DSCAM: variants seen among roughly 807,000 people sequenced by gnomAD.
DSCAM encodes cell adhesion molecule DSCAM.
In DSCAM, 47 loss-of-function variants were observed where a neutral mutation model predicts 217.7. That is an observed-to-expected ratio of 0.22 (90% confidence interval 0.17 to 0.28). The LOEUF (loss-of-function observed/expected upper bound fraction) is 0.28. Ranked by LOEUF, DSCAM falls within the 10% of genes least tolerant of loss-of-function variation. The pLI is 1.00. For synonymous variants in DSCAM, 1,056 were observed against 1,015.3 expected (o/e 1.04, Z -0.76); for missense variants, 2,080 against 2,618.3 (o/e 0.79, Z 4.49).
At chr21:40,688,169 T>C (rs2090502383) in intron 3 of DSCAM, among the ~76,000 whole-genome samples, 1 of 152,234 alleles carries the variant, frequency 6.6e-6, no homozygotes, top group African/African-American at 2.4e-5. Flanking sequence ...GCAGTTTCTC[T>C]GGGAATAGTA....
chr21:40,714,344 C>A (rs1408379585), intron 1 of DSCAM, among the ~76,000 whole-genome samples: 1 of 152,166 alleles, frequency 6.6e-6, no homozygotes. Context: ...ACATAAGACT[C>A]CAACCCATGA....
chr21:40,444,272 T>A (rs569317707), intron 3 of DSCAM, among the ~76,000 whole-genome samples: 3 of 152,126 alleles, frequency 2.0e-5, no homozygotes, highest in South Asian at 4.2e-4. Flanking sequence ...GACTTTGGAG[T>A]CCGACATGTA....
At chr21:40,794,362 A>G (rs1281236225) in intron 1 of DSCAM, among the ~76,000 whole-genome samples, 1 of 152,164 alleles carries the variant, frequency 6.6e-6, no homozygotes, top group African/African-American at 2.4e-5. Context: ...CTTTTCTATC[A>G]TTTGGCAACA....
chr21:40,713,542 T>G (rs747712971), intron 1 of DSCAM, among the ~76,000 whole-genome samples: 1 of 152,136 alleles, frequency 6.6e-6, no homozygotes, highest in South Asian at 2.1e-4. Context: ...ATTCTTTAAC[T>G]AAGGTTAGGA....
intron 29 of DSCAM, among the ~76,000 whole-genome samples, 189 bp from the exon 30 acceptor site, chr21:40,052,296 A>G (rs1309246875): frequency 6.6e-6 from 1 of 152,232 alleles, no homozygotes; most frequent in Non-Finnish European, 1.5e-5. Flanking sequence ...CTAGGAATAG[A>G]AGCTTCTTCC....
chr21:40,728,365 A>G (rs1027654164), intron 1 of DSCAM, among the ~76,000 whole-genome samples: 3 of 152,232 alleles, frequency 2.0e-5, no homozygotes, highest in Admixed American at 6.5e-5. Flanking sequence ...TTAAATATCA[A>G]TAAGTCTCAG....
At chr21:40,311,991 G>T (rs1256783838) in intron 9 of DSCAM, 90 bp downstream of exon 9, 7 of 315,544 alleles carry the variant, frequency 2.2e-5, no homozygotes, top group South Asian at 1.0e-4. Context: ...CTAAGTTCCA[G>T]TTATTTTCGA....
At chr21:40,628,353 C>A (rs1334182203) in intron 3 of DSCAM, among the ~76,000 whole-genome samples, 1 of 152,190 alleles carries the variant, frequency 6.6e-6, no homozygotes, top group South Asian at 2.1e-4. Context: ...GCCTCAACTG[C>A]ACTTCTACAA....
At chr21:40,774,040 C>T (rs2091468205) in intron 1 of DSCAM, among the ~76,000 whole-genome samples, 1 of 152,180 alleles carries the variant, frequency 6.6e-6, no homozygotes, top group Non-Finnish European at 1.5e-5. Flanking sequence ...CCACTGGGAA[C>T]AAGGGGAAGT....
intron 11 of DSCAM, among the ~76,000 whole-genome samples, chr21:40,238,184 T>G (rs951366850): frequency 2.0e-5 from 3 of 152,120 alleles, no homozygotes; most frequent in African/African-American, 7.2e-5. Flanking sequence ...CCTCCAGGAA[T>G]AGAAATATAA....
intron 1 of DSCAM, among the ~76,000 whole-genome samples, chr21:40,785,026 G>A (rs146092799): frequency 5.3e-5 from 8 of 152,284 alleles, no homozygotes; most frequent in African/African-American, 1.9e-4. Context: ...AAGTCTAAAT[G>A]CACAGAAAGA....
intron 11 of DSCAM, among the ~76,000 whole-genome samples, chr21:40,253,552 C>A (rs2073332335): frequency 6.6e-6 from 1 of 152,148 alleles, no homozygotes; most frequent in African/African-American, 2.4e-5. Flanking sequence ...GAAAGACCAA[C>A]CATGTGATGA....
At chr21:40,249,180 C>A (rs901367305) in intron 11 of DSCAM, among the ~76,000 whole-genome samples, 1 of 152,140 alleles carries the variant, frequency 6.6e-6, no homozygotes, top group East Asian at 1.9e-4. Flanking sequence ...ATGCAAATTG[C>A]AGTATTGTTG....
chr21:40,265,479 A>T (rs1396817368), intron 11 of DSCAM, among the ~76,000 whole-genome samples: 1 of 143,180 alleles, frequency 7.0e-6, no homozygotes, highest in Admixed American at 6.8e-5. Context: ...CGTTTTTCAC[A>T]AAATAAAAAA....
chr21:40,605,791 CTTTTTTTTTTTTTT>C lies in DSCAM; in HGVS notation c.508+87005_508+87018del, dbSNP rs755767800. Among the ~76,000 whole-genome samples the C allele has an allele frequency of 2.6e-3, 161 of 62,018 alleles. 4 individuals are homozygous for C. Among genetic ancestry groups the C allele is most frequent in the African/African-American group, 0.01 (159 of 15,834 alleles). 40.7% of individuals were successfully genotyped at this position (62,018 alleles called of 152,430 possible). ...CTTATATATGTGCTTAATGCACATT[CTTTTTTTTTTTTTT>C]TTTTTTTTTTTTTTTAAGACAGTCT... is the stretch of plus-strand genomic sequence containing the variant. On this transcript the variant is annotated intron_variant, in intron 3 of 32. Coordinates refer to ENST00000400454, the MANE Select transcript of DSCAM (RefSeq NM_001389.5).
At chr21:40,249,802 A>G (rs2073277760) in intron 11 of DSCAM, among the ~76,000 whole-genome samples, 1 of 152,164 alleles carries the variant, frequency 6.6e-6, no homozygotes. Context: ...GGTTCCTTGC[A>G]GCCAGAAGAG....
chr21:40,736,309 T>A (rs7275210), intron 1 of DSCAM, among the ~76,000 whole-genome samples: 79,413 of 151,888 alleles, frequency 0.52, 23,097 homozygotes, highest in African/African-American at 0.8. Flanking sequence ...TTACATAGGC[T>A]TGATTGATGA....
chr21:40,500,571 C>T lies in DSCAM; in HGVS notation c.509-131326G>A, dbSNP rs1043699925. ...CGGTACTCTTGACCTTGGAGATCTA[C>T]ATCATATTCTTCAGCATATTAAAGC... On this transcript the variant is annotated intron_variant, in intron 3 of 32. Coordinates refer to ENST00000400454, the MANE Select transcript of DSCAM (RefSeq NM_001389.5). Among the ~76,000 whole-genome samples, 7 of 152,308 alleles carry T rather than the reference C, an allele frequency of 4.6e-5. No homozygotes were observed. In the South Asian group the frequency reaches 6.2e-4, roughly 14 times the overall value.
rs898877811 is a variant in DSCAM at position 40,517,684 on chromosome 21, A to G, written c.509-148439T>C. 5.9e-5 allele frequency among the ~76,000 whole-genome samples: 9 copies of G among 152,124 alleles called. No individual in the cohort carries two copies. In the East Asian group the frequency reaches 1.5e-3, roughly 26 times the overall value. ...ACAGTGCATGTCATAAGAACACATA[A>G]ATAGGAGCTGTGTAAAAAACCAAAG... On this transcript the variant is annotated intron_variant, in intron 3 of 32. Coordinates refer to ENST00000400454, the MANE Select transcript of DSCAM (RefSeq NM_001389.5).
Sources: allele counts gnomAD v4.1 joint callset (sites outside exome capture counted in the v4.1 genomes callset), GRCh38; gene constraint gnomAD v4.1.1; transcripts MANE v1.5; gene names NCBI Gene and HGNC (gene_info 2026-07-23, HGNC 2026-07-21).